WWOX: variants seen among roughly 807,000 people sequenced by gnomAD.
WWOX encodes WW domain containing oxidoreductase.
A neutral mutation model predicts 46.2 loss-of-function variants in WWOX; 69 were observed. The observed-to-expected ratio is 1.49, with a 90% CI of 1.23 to 1.82. The LOEUF is 1.82. Among genes scored for constraint, WWOX ranks in the 40% most tolerant of loss-of-function variants. The probability of loss-of-function intolerance (pLI) is 0.00; values close to 1 mark genes in which losing one functional copy is unlikely to be tolerated. For synonymous variants in WWOX, 359 were observed against 202.6 expected (o/e 1.77, Z -6.56); for missense variants, 919 against 542.6 (o/e 1.69, Z -6.89).
At chr16:78,773,818 G>A (rs1364251062) in intron 8 of WWOX, among the ~76,000 whole-genome samples, 2 of 152,194 alleles carry the variant, frequency 1.3e-5, no homozygotes, top group African/African-American at 4.8e-5. Context: ...TTGCATGTGA[G>A]TTCTGAACAG....
chr16:79,093,949 A>G (rs548431822), intron 8 of WWOX, among the ~76,000 whole-genome samples: 7 of 152,280 alleles, frequency 4.6e-5, no homozygotes, highest in Non-Finnish European at 7.4e-5. Flanking sequence ...AGAGCCTTCT[A>G]TCACTTAGTA....
chr16:78,373,312 A>C (rs544659364), intron 5 of WWOX, among the ~76,000 whole-genome samples: 2 of 152,166 alleles, frequency 1.3e-5, no homozygotes, highest in African/African-American at 2.4e-5. Flanking sequence ...GGCTTTGTCT[A>C]TTTGGTGAGT....
At chr16:78,261,809 T>C (rs1406735336) in intron 5 of WWOX, among the ~76,000 whole-genome samples, 1 of 144,746 alleles carries the variant, frequency 6.9e-6, no homozygotes, top group African/African-American at 2.5e-5. Flanking sequence ...TATATATATA[T>C]ATATATATAC....
intron 5 of WWOX, among the ~76,000 whole-genome samples, chr16:78,172,156 A>G (rs1407594046): frequency 6.6e-6 from 1 of 152,136 alleles, no homozygotes; most frequent in Non-Finnish European, 1.5e-5. Flanking sequence ...GTACTCATAC[A>G]TTATTTGCAT....
At chr16:78,641,980 A>G (rs1417745451) in intron 8 of WWOX, among the ~76,000 whole-genome samples, 2 of 152,198 alleles carry the variant, frequency 1.3e-5, no homozygotes, top group East Asian at 1.9e-4. Flanking sequence ...AAGAGCCGTA[A>G]GTCCTTGGAA....
chr16:79,049,617 C>T (rs1350789094), intron 8 of WWOX, among the ~76,000 whole-genome samples: 2 of 152,098 alleles, frequency 1.3e-5, no homozygotes, highest in African/African-American at 2.4e-5. Context: ...GTGGGTGGAT[C>T]ACGAGGTCAG....
At chr16:78,321,731 A>G (rs917079549) in intron 5 of WWOX, among the ~76,000 whole-genome samples, 3 of 152,284 alleles carry the variant, frequency 2.0e-5, no homozygotes, top group South Asian at 2.1e-4. Flanking sequence ...GAGTGAGAAC[A>G]CAGGCTTGGT....
At chr16:79,114,034 G>A (rs1483896381) in intron 8 of WWOX, among the ~76,000 whole-genome samples, 3 of 152,190 alleles carry the variant, frequency 2.0e-5, no homozygotes, top group Admixed American at 1.3e-4. Flanking sequence ...ACAGCCCCAG[G>A]TGCTGGCCTA....
At chr16:78,949,745 A>G (rs1449306003) in intron 8 of WWOX, among the ~76,000 whole-genome samples, 1 of 152,192 alleles carries the variant, frequency 6.6e-6, no homozygotes, top group South Asian at 2.1e-4. Flanking sequence ...GGCAAACACA[A>G]CAAGTAAAAG....
intron 8 of WWOX, among the ~76,000 whole-genome samples, chr16:78,943,568 A>G (rs1056653410): frequency 1.3e-5 from 2 of 152,122 alleles, no homozygotes; most frequent in African/African-American, 4.8e-5. Flanking sequence ...ACACATCACC[A>G]TTGATCAGTC....
At chr16:78,740,506 A>G (rs555429525) in intron 8 of WWOX, among the ~76,000 whole-genome samples, 185 of 152,312 alleles carry the variant, frequency 1.2e-3, no homozygotes, top group African/African-American at 4.4e-3. Flanking sequence ...GACCATGAGA[A>G]GATCCCTGTT....
intron 5 of WWOX, among the ~76,000 whole-genome samples, chr16:78,217,319 T>C (rs376478004): frequency 2.0e-5 from 3 of 152,212 alleles, no homozygotes; most frequent in East Asian, 1.9e-4. Context: ...GGATAGCTGA[T>C]TGCACTCCTA....
chr16:78,198,032 T>C (rs2036111428), intron 5 of WWOX, among the ~76,000 whole-genome samples: 1 of 152,120 alleles, frequency 6.6e-6, no homozygotes, highest in South Asian at 2.1e-4. Flanking sequence ...TTCACTCCTC[T>C]TCCCTAAAAC....
chr16:78,321,585 C>T (rs529108559), intron 5 of WWOX, among the ~76,000 whole-genome samples: 13 of 151,946 alleles, frequency 8.6e-5, no homozygotes, highest in African/African-American at 3.1e-4. Flanking sequence ...AAATGGATGT[C>T]CTAACAGTGA....
chr16:78,380,897 A>G (rs554156476), intron 5 of WWOX, among the ~76,000 whole-genome samples: 1 of 152,350 alleles, frequency 6.6e-6, no homozygotes, highest in South Asian at 2.1e-4. Context: ...TGGCCTTCAA[A>G]ATAATGATAA....
At chr16:78,633,245 G>A (rs2046482980) in intron 8 of WWOX, among the ~76,000 whole-genome samples, 2 of 152,328 alleles carry the variant, frequency 1.3e-5, no homozygotes, top group East Asian at 1.9e-4. Context: ...CTAGGTGACA[G>A]AGCAAGATTC....
At chr16:78,164,051 TC>T in intron 4 of WWOX, 131 bp from the exon 5 acceptor site, 1 of 829,686 alleles carries the variant, frequency 1.2e-6, no homozygotes, top group Non-Finnish European at 2.0e-6. Context: ...TTTGCTTCTG[TC>T]CCCTGGGGAT....
At chr16:78,718,847 G>A (rs1047908902) in intron 8 of WWOX, among the ~76,000 whole-genome samples, 2 of 152,138 alleles carry the variant, frequency 1.3e-5, no homozygotes, top group African/African-American at 4.8e-5. Context: ...ATGAATAAAG[G>A]CATGGATGTG....
In WWOX at chr16:78,885,853, T is replaced by G. The variant is rs376806101; in HGVS notation, c.1057-325755T>G. Among the ~76,000 whole-genome samples, 35 of 152,204 alleles carry G rather than the reference T, an allele frequency of 2.3e-4. No homozygotes were observed. In the East Asian group the frequency reaches 2.7e-3, roughly 12 times the overall value. ...AGCTGGCTTACCTGCTGTATAAATA[T>G]GCAGTGTGTAGAATTTGACTCAGTT... On this transcript the variant is annotated intron_variant, in intron 8 of 8. Coordinates refer to ENST00000566780, the MANE Select transcript of WWOX (RefSeq NM_016373.4).
Sources: allele counts gnomAD v4.1 joint callset (sites outside exome capture counted in the v4.1 genomes callset), GRCh38; gene constraint gnomAD v4.1.1; transcripts MANE v1.5; gene names NCBI Gene and HGNC (gene_info 2026-07-23, HGNC 2026-07-21).